The following KLHL33 variants were observed in gnomAD, a reference collection of about 807,000 sequenced individuals.
KLHL33 encodes kelch like family member 33, also known as kelch-like protein 33.
In KLHL33, 46 loss-of-function variants were observed where a neutral mutation model predicts 60.8. The ratio of observed to expected loss-of-function variants is 0.76; its 90% CI spans 0.60 to 0.97. The LOEUF (loss-of-function observed/expected upper bound fraction) is 0.97. KLHL33 is among the 50% of genes least tolerant of loss of function. The pLI, the probability that KLHL33 is intolerant of heterozygous loss-of-function variation, is 0.00. For synonymous variants in KLHL33, 434 were observed against 432.2 expected, an observed-to-expected ratio of 1.00 and a Z score of -0.05; for missense variants, 1,055 against 1,000.0, an observed-to-expected ratio of 1.05 and a Z score of -0.74.
In KLHL33 at chr14:20,429,577, T is replaced by C. The variant is rs1349984430; in HGVS notation, c.1766A>G (p.Tyr589Cys). 23 of 1,551,982 alleles carry C rather than the reference T, an allele frequency of 1.5e-5. No homozygotes were observed. Among genetic ancestry groups the C allele is most frequent in the Non-Finnish European group, 2.0e-5 (23 of 1,147,084 alleles). ...ATCATTGTGTCTTCCACCCAGGGCA[T>C]AAAGTTTTCCATCCAGTGCCACCAA... ...FSLVALDGKL[Y>C]ALGGRHNDVA... is the part of the protein sequence containing the mutation. Residue 589 changes from tyrosine (Y) to cysteine (C), a missense_variant, in exon 4 of 5, where the codon TAT becomes TGT. Tyr to Cys is a radical substitution (Grantham distance 194). Coordinates refer to ENST00000636854, the MANE Select transcript of KLHL33 (RefSeq NM_001365790.2).
rs1329292640 is a variant in KLHL33, at chr14:20,429,183, G to A, written c.2060C>T (p.Ala687Val). 5 of 1,551,642 alleles carry A rather than the reference G, an allele frequency of 3.2e-6. No homozygotes were observed. The highest frequency in any genetic ancestry group is 4.4e-6 in the Non-Finnish European group (5 of 1,146,974). ...GTCCTCAGTCTCACCCAGCCCACCT[G>A]CCACATACAACCTCCCACCCAATGC... Reference protein sequence around the residue: ...MAALGGRLYVAGGLGETEDLL... With the variant: ...MAALGGRLYVVGGLGETEDLL... The change falls in exon 5 of 5, where the codon GCA becomes GTA. Residue 687 changes from alanine (A) to valine (V), a missense_variant. Ala to Val is a moderately conservative substitution (Grantham distance 64). Transcript: ENST00000636854.
rs907705151 is a variant in KLHL33, at chr14:20,427,617, C to G, written c.*1232G>C. On this transcript the variant is annotated 3_prime_UTR_variant, in exon 5 of 5. Coordinates refer to ENST00000636854, the MANE Select transcript of KLHL33 (RefSeq NM_001365790.2). The stretch of plus-strand genomic sequence containing the variant: ...GCCTTCCTGAGCAGAGTTCACTGCT[C>G]TATCCTCTGGGCTCTCGCAAGACTC... 1 of 152,342 alleles carries G rather than the reference C, an allele frequency of 6.6e-6. No individual in the cohort carries two copies. Among genetic ancestry groups the G allele is most frequent in the East Asian group, 1.9e-4 (1 of 5,190 alleles). The allele number at this position is 152,342 out of a possible 1,614,324, so 9.4% of individuals were successfully genotyped here. A position where few individuals can be genotyped will look rare whatever the true frequency, so the allele number is the denominator to read the frequency against.
In KLHL33 at chr14:20,427,149, A is replaced by G. The variant is rs1880310393; in HGVS notation, c.*1700T>C. The G allele has an allele frequency of 6.6e-6, 1 of 151,564 alleles. No individual in the cohort carries two copies. Among genetic ancestry groups the G allele is most frequent in the Admixed American group, 6.6e-5 (1 of 15,218 alleles). The allele number at this position is 151,564 out of a possible 1,614,324, so 9.4% of individuals were successfully genotyped here. A position where few individuals can be genotyped will look rare whatever the true frequency, so the allele number is the denominator to read the frequency against. ...GTATACATATGTAACTAACCTGCAC[A>G]TTGGGCACATGTACCCTAAAACTTA... On this transcript the variant is annotated 3_prime_UTR_variant, in exon 5 of 5. Transcript: ENST00000636854.
In KLHL33 at chr14:20,426,576, T is replaced by C. The variant is rs1880279095; in HGVS notation, c.*2273A>G. The C allele has an allele frequency of 1.3e-5, 2 of 151,710 alleles. No homozygotes were observed. Among genetic ancestry groups the C allele is most frequent in the Admixed American group, 6.6e-5 (1 of 15,222 alleles). The allele number at this position is 151,710 out of a possible 1,614,324, so 9.4% of individuals were successfully genotyped here. A position where few individuals can be genotyped will look rare whatever the true frequency, so the allele number is the denominator to read the frequency against. ...TGGAGAAATAGGAACACTTTTACAC[T>C]GTTGGTGGGACTGTAAACTAGTTCA... On this transcript the variant is annotated 3_prime_UTR_variant, in exon 5 of 5. Coordinates refer to ENST00000636854, the MANE Select transcript of KLHL33 (RefSeq NM_001365790.2).
rs371610321 is a variant in KLHL33, at chr14:20,429,624, G to A, written c.1719C>T (p.Ser573=). The stretch of plus-strand genomic sequence containing the variant: ...CCAAGGAGAAAAGGCTTCGAGCCTG[G>A]GACAAAGGAGCCATCTCCTCCCAGT... ...QEDWEEMAPL[S]QARSLFSLVA... The change falls in exon 4 of 5, where the codon TCC becomes TCT. Residue 573 remains serine (S), a synonymous_variant. Transcript: ENST00000636854. 2.6e-6 allele frequency: 4 copies of A among 1,551,694 alleles called. No individual in the cohort carries two copies. In the African/African-American group the frequency reaches 5.5e-5, roughly 21 times the overall value.
At chr14:20,431,339 G>T (rs1429090546) in intron 2 of KLHL33, among the ~76,000 whole-genome samples, 1 of 152,182 alleles carries the variant, frequency 6.6e-6, no homozygotes. Flanking sequence ...GCTTTTCTCT[G>T]CATAACCCTC....
At chr14:20,432,982 GAA>G (rs1348450503) in intron 2 of KLHL33, among the ~76,000 whole-genome samples, 2 of 151,862 alleles carry the variant, frequency 1.3e-5, no homozygotes, top group South Asian at 2.1e-4. Flanking sequence ...AAGAAAGAAA[GAA>G]AGAGAGAAAT....
rs1386455489 is a variant in KLHL33 at position 20,435,275 on chromosome 14, C to G, written c.537G>C (p.Gly179=). The change falls in exon 2 of 5, where the codon GGG becomes GGC. Residue 179 remains glycine, a synonymous_variant. Coordinates refer to ENST00000636854, the MANE Select transcript of KLHL33 (RefSeq NM_001365790.2). ...YEGVLGPASQ[G]DVLAAAEALG... ...GCGCCTCTGCTGCGGCCAGCACATC[C>G]CCCTGCGAGGCGGGGCCCAGCACCC... is the stretch of plus-strand genomic sequence containing the variant. The G allele has an allele frequency of 1.6e-6, 2 of 1,234,334 alleles. No individual in the cohort carries two copies. The highest frequency in any genetic ancestry group is 1.0e-6 in the Non-Finnish European group (1 of 988,250). The allele number at this position is 1,234,334 out of a possible 1,614,324, so 76.5% of individuals were successfully genotyped here. A position where few individuals can be genotyped will look rare whatever the true frequency, so the allele number is the denominator to read the frequency against.
rs1363315688 is a variant in KLHL33, at chr14:20,429,977, C to A, written c.1491G>T (p.Trp497Cys). The A allele has an allele frequency of 1.3e-6, 2 of 1,551,726 alleles. No homozygotes were observed. Among genetic ancestry groups the A allele is most frequent in the Admixed American group, 3.9e-5 (2 of 51,004 alleles). Residue 497 changes from tryptophan to cysteine, a missense_variant, in exon 3 of 5, where the codon TGG becomes TGT. By Grantham distance (215) the Trp-to-Cys change is radical. Coordinates refer to ENST00000636854, the MANE Select transcript of KLHL33 (RefSeq NM_001365790.2). ...MALRQPSRAV[W>C]WARAFRCGVG... The stretch of plus-strand genomic sequence containing the variant: ...CGCCACAGCGGAAGGCCCGGGCCCA[C>A]CACACTGCTCGGGATGGTTGTCTTA...
In KLHL33 at chr14:20,434,131, A is replaced by T. The variant is rs984672073; in HGVS notation, c.748+933T>A. ...CCAGCTTTCAGTAAAATTTAAAAAGAGATGTCATGTGTAAAAATTTCAGGT... is the reference window on the plus strand; with the variant it reads ...CCAGCTTTCAGTAAAATTTAAAAAGTGATGTCATGTGTAAAAATTTCAGGT... On this transcript the variant is annotated intron_variant, in intron 2 of 4. Coordinates refer to ENST00000636854, the MANE Select transcript of KLHL33 (RefSeq NM_001365790.2). Among the ~76,000 whole-genome samples the T allele has an allele frequency of 7.2e-5, 11 of 152,232 alleles. No homozygotes were observed. The South Asian group carries it at 2.3e-3, about 31-fold the overall frequency.
rs1880460004 is a variant in KLHL33, at chr14:20,430,248, C to T, written c.1220G>A (p.Trp407Ter). ...EFEAFVAARC[W>*]LAANPETQES... ...CTGGGTCTCGGGGTTGGCAGCCAGC[C>T]AACACCGTGCAGCCACAAAGGCCTC... The change falls in exon 3 of 5, where the codon TGG becomes TAG. Residue 407 changes from tryptophan (W) to a stop codon, truncating the protein, a stop_gained. Transcript: ENST00000636854. LOFTEE classifies it high-confidence loss of function. 4 of 1,551,520 alleles carry T rather than the reference C, an allele frequency of 2.6e-6. No individual in the cohort carries two copies. In the South Asian group the frequency reaches 4.8e-5, roughly 18 times the overall value.
chr14:20,433,381 G>A (rs1451383589), intron 2 of KLHL33, among the ~76,000 whole-genome samples: 3 of 152,202 alleles, frequency 2.0e-5, no homozygotes, highest in Non-Finnish European at 4.4e-5. Context: ...TGAGGCATGC[G>A]TGCCTTTCCC....
rs1203443325 is a variant in KLHL33, at chr14:20,428,830, A to G, written c.*19T>C. On this transcript the variant is annotated 3_prime_UTR_variant, in exon 5 of 5. Transcript: ENST00000636854. Reference sequence around the variant, plus strand: ...CTATTTCTTATGCCCTCCTCTCCCCATACACTGTTGCTCCCTCTTCACCCA... The same window carrying G: ...CTATTTCTTATGCCCTCCTCTCCCCGTACACTGTTGCTCCCTCTTCACCCA... 1 of 1,541,080 alleles carries G rather than the reference A, an allele frequency of 6.5e-7. No homozygotes were observed. The highest frequency in any genetic ancestry group is 2.0e-5 in the Admixed American group (1 of 50,722).
At position 20,428,283 on chromosome 14, in the gene KLHL33, G is replaced by C. The variant is rs1880357173; in HGVS notation, c.*566C>G. On this transcript the variant is annotated 3_prime_UTR_variant, in exon 5 of 5. Transcript: ENST00000636854. ...AAGAGGTTCTCAGGGGCAGCCTGTG[G>C]TGTCTCGCTGGGAAACGCTAGACCA... 6.5e-6 allele frequency: 1 copy of C among 152,794 alleles called. No individual in the cohort carries two copies. The highest frequency in any genetic ancestry group is 1.5e-5 in the Non-Finnish European group (1 of 68,554). The allele number at this position is 152,794 out of a possible 1,614,324, so 9.5% of individuals were successfully genotyped here.
At position 20,435,775 on chromosome 14, in the gene KLHL33, G is replaced by A. The variant is rs1880677249; in HGVS notation, c.37C>T (p.Leu13=). 1 of 1,234,574 alleles carries A rather than the reference G, an allele frequency of 8.1e-7. No individual in the cohort carries two copies. The allele number at this position is 1,234,574 out of a possible 1,614,324, so 76.5% of individuals were successfully genotyped here. ...TGGACGGGATGAGAGACACTCTCCA[G>A]CTCAGGGGGATAATGTGGGGTGTCC... ...VSDTPHYPPE[L]ESVSHPVQRD... The change falls in exon 2 of 5, where the codon CTG becomes TTG. Residue 13 remains leucine (L), a synonymous_variant. Coordinates refer to ENST00000636854, the MANE Select transcript of KLHL33 (RefSeq NM_001365790.2).
chr14:20,428,655 CTA>C lies in KLHL33; in HGVS notation c.*192_*193del. 1 of 595,898 alleles carries C rather than the reference CTA, an allele frequency of 1.7e-6. No homozygotes were observed. Among genetic ancestry groups the C allele is most frequent in the South Asian group, 2.3e-5 (1 of 43,448 alleles). 36.9% of individuals were successfully genotyped at this position (595,898 alleles called of 1,614,324 possible). A position where few individuals can be genotyped will look rare whatever the true frequency, so the allele number is the denominator to read the frequency against. On this transcript the variant is annotated 3_prime_UTR_variant, in exon 5 of 5. Coordinates refer to ENST00000636854, the MANE Select transcript of KLHL33 (RefSeq NM_001365790.2). ...GGGTATTCAGCTGCCTCCCCTTTCC[CTA>C]TATGTTTTCCCTAGGAGTTCTGGAA... is the stretch of plus-strand genomic sequence containing the variant.
Position 20,430,041 on chromosome 14 carries a change from A to G in KLHL33, c.1427T>C (p.Val476Ala), listed in dbSNP as rs1458606978. Reference sequence around the variant, plus strand: ...TCTGAGCCCATCCCCGCCAATCACTACCAGTGCCCGGTCAGGCTCCCTCCG... The same window carrying G: ...TCTGAGCCCATCCCCGCCAATCACTGCCAGTGCCCGGTCAGGCTCCCTCCG... Reference protein sequence around the residue: ...ERRREPDRALVVIGGDGLRPD... With the variant: ...ERRREPDRALAVIGGDGLRPD... The change falls in exon 3 of 5, where the codon GTA becomes GCA. Residue 476 changes from valine (V) to alanine (A), a missense_variant. Physicochemically the swap from Val to Ala is moderately conservative, Grantham distance 64. Coordinates refer to ENST00000636854, the MANE Select transcript of KLHL33 (RefSeq NM_001365790.2). 1.9e-6 allele frequency: 3 copies of G among 1,551,562 alleles called. No individual in the cohort carries two copies. The highest frequency in any genetic ancestry group is 2.6e-6 in the Non-Finnish European group (3 of 1,147,000).
chr14:20,426,760 T>C lies in KLHL33; in HGVS notation c.*2089A>G, dbSNP rs988687902. 3.3e-5 allele frequency: 5 copies of C among 152,018 alleles called. No homozygotes were observed. The highest frequency in any genetic ancestry group is 1.2e-4 in the African/African-American group (5 of 41,366). The allele number at this position is 152,018 out of a possible 1,614,324, so 9.4% of individuals were successfully genotyped here. A position where few individuals can be genotyped will look rare whatever the true frequency, so the allele number is the denominator to read the frequency against. On this transcript the variant is annotated 3_prime_UTR_variant, in exon 5 of 5. Coordinates refer to ENST00000636854, the MANE Select transcript of KLHL33 (RefSeq NM_001365790.2). ...ATGTTTATTGCATCACTATTCACAA[T>C]AGCAAAGACTTGGAACCAACCCAAA...
chr14:20,426,961 C>T lies in KLHL33; in HGVS notation c.*1888G>A, dbSNP rs1445685590. 1 of 139,466 alleles carries T rather than the reference C, an allele frequency of 7.2e-6. No homozygotes were observed. Among genetic ancestry groups the T allele is most frequent in the African/African-American group, 2.7e-5 (1 of 36,912 alleles). The allele number at this position is 139,466 out of a possible 1,614,324, so 8.6% of individuals were successfully genotyped here. A position where few individuals can be genotyped will look rare whatever the true frequency, so the allele number is the denominator to read the frequency against. On this transcript the variant is annotated 3_prime_UTR_variant, in exon 5 of 5. Coordinates refer to ENST00000636854, the MANE Select transcript of KLHL33 (RefSeq NM_001365790.2). The stretch of plus-strand genomic sequence containing the variant: ...AAAAACCAAACACCGCATGTTCTCA[C>T]TCATAGGTGGGAATTGAACAATGAG...
Sources: gnomAD v4.1 joint callset for allele counts (sites outside exome capture counted in the v4.1 genomes callset) on GRCh38, gnomAD v4.1.1 for gene constraint, MANE v1.5 for transcripts, NCBI Gene and HGNC (gene_info 2026-07-23, HGNC 2026-07-21) for gene names.